The following UVRAG variants were observed in gnomAD, a reference collection of about 807,000 sequenced individuals.
UVRAG encodes the protein UV radiation resistance associated.
UVRAG carries 19 observed loss-of-function variants against 78.0 expected under a neutral mutation model. The observed-to-expected ratio is 0.24, with a 90% confidence interval of 0.17 to 0.36. The LOEUF (loss-of-function observed/expected upper bound fraction) is 0.36, where lower values mean the gene tolerates loss of function less well. Ranked by LOEUF, UVRAG falls within the 10% of genes least tolerant of loss-of-function variation. The pLI is 1.00. For synonymous variants in UVRAG, 323 were observed against 324.6 expected, an observed-to-expected ratio of 1.00 and a Z score of 0.05; for missense variants, 740 against 853.8, an observed-to-expected ratio of 0.87 and a Z score of 1.66.
At chr11:75,931,404 G>A (rs1218795174) in intron 6 of UVRAG, among the ~76,000 whole-genome samples, 1 of 152,030 alleles carries the variant, frequency 6.6e-6, no homozygotes, top group Non-Finnish European at 1.5e-5. Context: ...GGGAACACAG[G>A]GAAAAGAGAC....
chr11:75,885,631 T>C (rs1268418881), intron 4 of UVRAG, among the ~76,000 whole-genome samples: 1 of 152,048 alleles, frequency 6.6e-6, no homozygotes, highest in Non-Finnish European at 1.5e-5. Context: ...AAATACGAGG[T>C]TGTGGTTAAG....
intron 5 of UVRAG, chr11:75,911,714 C>A: frequency 2.9e-6 from 1 of 344,544 alleles, no homozygotes; most frequent in Non-Finnish European, 5.3e-6. Context: ...CAGGGCTGGG[C>A]TGGGCGCGCT....
chr11:75,855,741 G>A (rs957607946), intron 2 of UVRAG, among the ~76,000 whole-genome samples: 3 of 152,130 alleles, frequency 2.0e-5, no homozygotes, highest in East Asian at 1.9e-4. Flanking sequence ...AAGAATATCC[G>A]AAATGCTGGT....
At chr11:75,855,671 C>T (rs574254687) in intron 2 of UVRAG, among the ~76,000 whole-genome samples, 1 of 152,266 alleles carries the variant, frequency 6.6e-6, no homozygotes, top group South Asian at 2.1e-4. Flanking sequence ...CTTGATGAAC[C>T]ACCCATACCA....
intron 6 of UVRAG, among the ~76,000 whole-genome samples, chr11:75,941,033 CA>C (rs548623534): frequency 3.6e-4 from 52 of 143,276 alleles, no homozygotes; most frequent in East Asian, 6.0e-4. Flanking sequence ...TACCATTCTG[CA>C]AAAAAAAAAA....
At chr11:75,896,495 G>A (rs1388985906) in intron 5 of UVRAG, among the ~76,000 whole-genome samples, 6 of 152,182 alleles carry the variant, frequency 3.9e-5, no homozygotes, top group Non-Finnish European at 8.8e-5. Flanking sequence ...ATTGGAGTCA[G>A]ATTGATATAA....
rs571226828 is a variant in UVRAG at position 76,046,803 on chromosome 11, A to C, written c.1227-18907A>C. On this transcript the variant is annotated intron_variant, in intron 12 of 14. Coordinates refer to ENST00000356136, the MANE Select transcript of UVRAG (RefSeq NM_003369.4). Reference sequence around the variant, plus strand: ...TTAATTAGAAACATAGAGGGAAAATACCAGGGGGAAAAAGCAGCCTAAAGT... The same window carrying C: ...TTAATTAGAAACATAGAGGGAAAATCCCAGGGGGAAAAAGCAGCCTAAAGT... Among the ~76,000 whole-genome samples the C allele has an allele frequency of 5.9e-5, 9 of 152,262 alleles. No individual in the cohort carries two copies. The South Asian group carries it at 1.9e-3, about 32-fold the overall frequency.
At chr11:76,127,661 GAATGAATC>G (rs1162090347) in intron 14 of UVRAG, among the ~76,000 whole-genome samples, 97 of 144,238 alleles carry the variant, frequency 6.7e-4, no homozygotes, top group East Asian at 4.0e-3. Flanking sequence ...ATGAATGAAT[GAATGAATC>G]AATGAGGCCT....
intron 5 of UVRAG, among the ~76,000 whole-genome samples, chr11:75,902,013 G>C (rs535511976): frequency 2.0e-5 from 3 of 152,248 alleles, no homozygotes; most frequent in East Asian, 3.9e-4. Context: ...TCTCTTACCT[G>C]CTACACTGTA....
At chr11:75,898,116 G>A (rs1204000359) in intron 5 of UVRAG, among the ~76,000 whole-genome samples, 3 of 151,168 alleles carry the variant, frequency 2.0e-5, no homozygotes, top group Admixed American at 6.6e-5. Flanking sequence ...TGATCCACCC[G>A]CCTCGGCCTC....
intron 1 of UVRAG, among the ~76,000 whole-genome samples, chr11:75,847,044 C>T (rs1270973551): frequency 1.3e-5 from 2 of 151,372 alleles, no homozygotes; most frequent in African/African-American, 2.4e-5. Context: ...AGGCTACTCT[C>T]GAACTCCTGA....
chr11:76,048,201 G>A (rs191879538), intron 12 of UVRAG, among the ~76,000 whole-genome samples: 1 of 152,304 alleles, frequency 6.6e-6, no homozygotes, highest in Non-Finnish European at 1.5e-5. Flanking sequence ...TAGCCTGTAA[G>A]AGCAAATGTG....
At chr11:76,075,574 T>C (rs1485134130) in intron 13 of UVRAG, among the ~76,000 whole-genome samples, 1 of 151,202 alleles carries the variant, frequency 6.6e-6, no homozygotes, top group African/African-American at 2.4e-5. Context: ...GCCATGCCAC[T>C]GCACTCCAGC....
chr11:75,981,235 C>T (rs1949385869), intron 7 of UVRAG, among the ~76,000 whole-genome samples: 1 of 151,998 alleles, frequency 6.6e-6, no homozygotes, highest in Non-Finnish European at 1.5e-5. Flanking sequence ...CCTCAGCCTC[C>T]CGAATAGCTG....
intron 11 of UVRAG, among the ~76,000 whole-genome samples, chr11:76,014,363 C>T (rs1278331198): frequency 6.6e-6 from 1 of 152,134 alleles, no homozygotes; most frequent in Non-Finnish European, 1.5e-5. Flanking sequence ...TTTTCAAATC[C>T]TCTTCTGTCA....
intron 12 of UVRAG, among the ~76,000 whole-genome samples, chr11:76,041,440 G>A (rs562904011): frequency 1.3e-5 from 2 of 152,286 alleles, no homozygotes; most frequent in South Asian, 2.1e-4. Context: ...ATCTGATAGT[G>A]GGAAGGGAGT....
intron 14 of UVRAG, among the ~76,000 whole-genome samples, chr11:76,140,001 AAAG>A (rs1437156941): frequency 6.6e-6 from 1 of 150,744 alleles, no homozygotes; most frequent in Non-Finnish European, 1.5e-5. Context: ...TAAAAAAAAA[AAAG>A]GAACCCCTCA....
At chr11:76,112,009 A>G (rs891493554) in intron 13 of UVRAG, among the ~76,000 whole-genome samples, 1 of 152,104 alleles carries the variant, frequency 6.6e-6, no homozygotes, top group African/African-American at 2.4e-5. Flanking sequence ...AGGCAAAATA[A>G]TAATAATAGG....
At chr11:75,876,994 G>C (rs551484558) in intron 3 of UVRAG, among the ~76,000 whole-genome samples, 1 of 151,096 alleles carries the variant, frequency 6.6e-6, no homozygotes, top group Non-Finnish European at 1.5e-5. Context: ...AGGACCCTGC[G>C]GCCTTCCGCA....
Sources: gnomAD v4.1 joint callset for allele counts (sites outside exome capture counted in the v4.1 genomes callset) on GRCh38, gnomAD v4.1.1 for gene constraint, MANE v1.5 for transcripts, NCBI Gene and HGNC (gene_info 2026-07-23, HGNC 2026-07-21) for gene names.